Variants in SYNGR1 observed in about 807,000 individuals in gnomAD.
SYNGR1 encodes synaptogyrin-1.
A neutral mutation model predicts 26.1 loss-of-function variants in SYNGR1; 14 were observed. The observed-to-expected ratio is 0.54, with a 90% CI of 0.35 to 0.84. The LOEUF (loss-of-function observed/expected upper bound fraction) is 0.84. Ranked by LOEUF, SYNGR1 falls within the 40% of genes least tolerant of loss-of-function variation. SYNGR1 has a pLI of 0.01. For synonymous variants in SYNGR1, 141 were observed against 150.1 expected (o/e 0.94, Z 0.44); for missense variants, 319 against 332.9 (o/e 0.96, Z 0.33).
intron 1 of SYNGR1, among the ~76,000 whole-genome samples, chr22:39,361,162 CAG>C (rs1038792956): frequency 7.9e-5 from 12 of 152,198 alleles, no homozygotes; most frequent in East Asian, 1.9e-4. Flanking sequence ...GTTCTCAAAA[CAG>C]GGAGCTTTCC....
intron 1 of SYNGR1, among the ~76,000 whole-genome samples, chr22:39,368,362 C>T (rs922930334): frequency 3.3e-5 from 5 of 152,222 alleles, no homozygotes; most frequent in Admixed American, 3.3e-4. Context: ...GGGCCCAGGT[C>T]ATCTGACTCA....
chr22:39,363,552 G>A (rs1924588362), intron 1 of SYNGR1, among the ~76,000 whole-genome samples: 1 of 152,088 alleles, frequency 6.6e-6, no homozygotes, highest in African/African-American at 2.4e-5. Flanking sequence ...AGATCACTGG[G>A]GAGGCTGAGA....
In SYNGR1 at chr22:39,376,095, CA is replaced by C; in HGVS notation, c.383del (p.Asn128ThrfsTer13). 6.2e-7 allele frequency: 1 copy of C among 1,614,226 alleles called. No individual in the cohort carries two copies. The highest frequency in any genetic ancestry group is 8.5e-7 in the Non-Finnish European group (1 of 1,180,044). On this transcript the variant is annotated frameshift_variant, in exon 3 of 4. Transcript: ENST00000328933. LOFTEE classifies it high-confidence loss of function. The stretch of plus-strand genomic sequence containing the variant: ...GGTTCGTGGGATTCTGCTACCTGGC[CA>C]ACCAGTGGCAGGTCTCCAAGCCCAA... The part of the protein sequence containing the change: ...LWFVGFCYLA[N>X]QWQVSKPKDN...
intron 2 of SYNGR1, 25 bp downstream of exon 2, chr22:39,374,578 C>A (rs769578394): frequency 6.2e-7 from 1 of 1,609,114 alleles, no homozygotes; most frequent in Admixed American, 1.7e-5. Flanking sequence ...GCAGGTACCC[C>A]CTGCACAGAG....
Position 39,384,020 on chromosome 22 carries a change from C to T in SYNGR1, c.*2106C>T, listed in dbSNP as rs1429523382. On this transcript the variant is annotated 3_prime_UTR_variant, in exon 4 of 4. Coordinates refer to ENST00000328933, the MANE Select transcript of SYNGR1 (RefSeq NM_004711.5). Reference sequence around the variant, plus strand: ...CAGTCCCCCGCCGCCAGGTGGCCCACATGGGACCAGCATGGGGGCAGGTTA... The same window carrying T: ...CAGTCCCCCGCCGCCAGGTGGCCCATATGGGACCAGCATGGGGGCAGGTTA... 2 of 152,574 alleles carry T rather than the reference C, an allele frequency of 1.3e-5. No homozygotes were observed. Among genetic ancestry groups the T allele is most frequent in the Admixed American group, 1.3e-4 (2 of 15,284 alleles). 9.5% of individuals were successfully genotyped at this position (152,574 alleles called of 1,614,324 possible).
chr22:39,370,602 T>A (rs1924973213), intron 1 of SYNGR1, among the ~76,000 whole-genome samples: 1 of 151,186 alleles, frequency 6.6e-6, no homozygotes, highest in Non-Finnish European at 1.5e-5. Flanking sequence ...ACACACAACA[T>A]CCTAACCCAG....
chr22:39,362,555 G>A (rs1003706888), intron 1 of SYNGR1, among the ~76,000 whole-genome samples: 1 of 152,116 alleles, frequency 6.6e-6, no homozygotes, highest in Admixed American at 6.5e-5. Context: ...ACTTGACCCT[G>A]GGGGAAGACA....
intron 3 of SYNGR1, chr22:39,377,249 C>T (rs1925324647): frequency 1.0e-6 from 1 of 985,312 alleles, no homozygotes. Flanking sequence ...GGGGTACACC[C>T]ATCTCCCCAA....
chr22:39,373,088 A>AG (rs1004858617), intron 1 of SYNGR1, among the ~76,000 whole-genome samples: 16 of 151,926 alleles, frequency 1.1e-4, no homozygotes, highest in African/African-American at 3.4e-4. Flanking sequence ...GGGATCATGC[A>AG]GGGTGCCCTG....
In SYNGR1 at chr22:39,384,787, T is replaced by C. The variant is rs888244757; in HGVS notation, c.*2873T>C. 1 of 398,990 alleles carries C rather than the reference T, an allele frequency of 2.5e-6. No individual in the cohort carries two copies. The highest frequency in any genetic ancestry group is 4.4e-6 in the Non-Finnish European group (1 of 226,052). 24.7% of individuals were successfully genotyped at this position (398,990 alleles called of 1,614,324 possible). On this transcript the variant is annotated 3_prime_UTR_variant, in exon 4 of 4. Transcript: ENST00000328933. ...ACAAGAGAGGGCCCAGGAAAAAAGG[T>C]TTCACATAAGTGTAGAGTCGCAAGG...
intron 3 of SYNGR1, chr22:39,380,163 G>GGA (rs1925450550): frequency 7.2e-6 from 1 of 138,322 alleles, no homozygotes. Context: ...TGAGATCTGT[G>GGA]AAAAAAAAAA....
At chr22:39,351,501 G>T (rs931667154) in intron 1 of SYNGR1, among the ~76,000 whole-genome samples, 1 of 152,228 alleles carries the variant, frequency 6.6e-6, no homozygotes, top group Non-Finnish European at 1.5e-5. Flanking sequence ...TCATTTATCT[G>T]TGCCAGTCTC....
At chr22:39,368,736 T>C (rs945466891) in intron 1 of SYNGR1, among the ~76,000 whole-genome samples, 2 of 151,988 alleles carry the variant, frequency 1.3e-5, no homozygotes, top group African/African-American at 4.8e-5. Flanking sequence ...TCAGGGAGCC[T>C]GATATTGTTC....
chr22:39,375,741 C>A, intron 2 of SYNGR1: 1 of 598,798 alleles, frequency 1.7e-6, no homozygotes, highest in South Asian at 2.0e-5. Context: ...GAGTTGATTA[C>A]CTTCTTTCTC....
chr22:39,366,421 G>A (rs1169078405), intron 1 of SYNGR1, among the ~76,000 whole-genome samples: 1 of 151,944 alleles, frequency 6.6e-6, no homozygotes. Context: ...CAAGGCGGGC[G>A]GATTGCCTGA....
At position 39,350,184 on chromosome 22, in the gene SYNGR1, GACC is replaced by G; in HGVS notation, c.99+76_99+78del. 1 of 246,830 alleles carries G rather than the reference GACC, an allele frequency of 4.1e-6. No individual in the cohort carries two copies. The highest frequency in any genetic ancestry group is 5.6e-6 in the Non-Finnish European group (1 of 177,934). 15.3% of individuals were successfully genotyped at this position (246,830 alleles called of 1,614,324 possible). ...TGAGCAAAGGCGGCGCGCCCGGACCGACCCCGACCCCGACCCCAACGGGCCCCC... is the reference window on the plus strand; with the variant it reads ...TGAGCAAAGGCGGCGCGCCCGGACCGCCGACCCCGACCCCAACGGGCCCCC... On this transcript the variant is annotated intron_variant, in intron 1 of 3. Coordinates refer to ENST00000328933, the MANE Select transcript of SYNGR1 (RefSeq NM_004711.5). This position sits in a 1 kb window ranked among gnomAD's most constrained non-coding sequence, Gnocchi z 4.3.
At chr22:39,369,227 G>A (rs1924908495) in intron 1 of SYNGR1, among the ~76,000 whole-genome samples, 1 of 152,218 alleles carries the variant, frequency 6.6e-6, no homozygotes, top group Non-Finnish European at 1.5e-5. Context: ...CAGTACACCA[G>A]TGCAAGGGGT....
intron 3 of SYNGR1, chr22:39,377,247 C>T: frequency 2.0e-6 from 2 of 985,398 alleles, no homozygotes; most frequent in Non-Finnish European, 2.4e-6. Context: ...GAGGGGTACA[C>T]CCATCTCCCC....
chr22:39,362,462 T>C (rs1924525257), intron 1 of SYNGR1, among the ~76,000 whole-genome samples: 1 of 152,050 alleles, frequency 6.6e-6, no homozygotes, highest in South Asian at 2.1e-4. Flanking sequence ...ACCCCCACCT[T>C]TTCCCCAGAG....
Sources: allele counts gnomAD v4.1 joint callset (sites outside exome capture counted in the v4.1 genomes callset), GRCh38; gene constraint gnomAD v4.1.1; non-coding constraint Gnocchi (gnomAD v3.1); transcripts MANE v1.5; gene names NCBI Gene and HGNC (gene_info 2026-07-23, HGNC 2026-07-21).